PTPRD: variants seen among roughly 807,000 people sequenced by gnomAD.
PTPRD encodes receptor-type tyrosine-protein phosphatase delta.
PTPRD carries 34 observed loss-of-function variants against 214.5 expected under a neutral mutation model. The observed-to-expected ratio is 0.16, with a 90% CI of 0.12 to 0.21. PTPRD has a LOEUF of 0.21. Ranked by LOEUF, PTPRD falls within the 10% of genes least tolerant of loss-of-function variation. The pLI, the probability that PTPRD is intolerant of heterozygous loss-of-function variation, is 1.00. For missense variants in PTPRD, 2,545 were observed against 2,398.7 expected, an observed-to-expected ratio of 1.06 and a Z score of -1.27; for synonymous variants, 1,128 against 845.7, an observed-to-expected ratio of 1.33 and a Z score of -5.79.
intron 11 of PTPRD, among the ~76,000 whole-genome samples, chr9:8,776,094 C>A (rs1419601511): frequency 6.6e-6 from 1 of 152,088 alleles, no homozygotes; most frequent in Non-Finnish European, 1.5e-5. Flanking sequence ...CAAATGTTCC[C>A]AGAGACTATC....
chr9:9,682,220 AAAG>A (rs2097089294), intron 7 of PTPRD, among the ~76,000 whole-genome samples: 1 of 151,788 alleles, frequency 6.6e-6, no homozygotes, highest in African/African-American at 2.4e-5. Flanking sequence ...GCAACACTGC[AAAG>A]AAGACAGGGA....
intron 36 of PTPRD, among the ~76,000 whole-genome samples, chr9:8,392,123 G>C (rs1266093587): frequency 6.6e-6 from 1 of 151,998 alleles, no homozygotes; most frequent in Non-Finnish European, 1.5e-5. Context: ...AGTAATTCAT[G>C]CCTATAATCC....
intron 2 of PTPRD, among the ~76,000 whole-genome samples, chr9:10,422,122 A>G (rs755708412): frequency 2.0e-5 from 3 of 152,044 alleles, no homozygotes; most frequent in Non-Finnish European, 2.9e-5. Context: ...ATATAGACCA[A>G]TGGAACAGAA....
At chr9:9,776,333 A>G (rs891994904) in intron 5 of PTPRD, among the ~76,000 whole-genome samples, 1 of 152,080 alleles carries the variant, frequency 6.6e-6, no homozygotes, top group Non-Finnish European at 1.5e-5. Flanking sequence ...TCTTAGTTGT[A>G]TGTTCCTAAT....
intron 14 of PTPRD, among the ~76,000 whole-genome samples, chr9:8,562,976 C>T (rs2087063286): frequency 6.6e-6 from 1 of 151,758 alleles, no homozygotes; most frequent in Non-Finnish European, 1.5e-5. Flanking sequence ...CCACTTTTTC[C>T]AGCACCAATT....
intron 9 of PTPRD, among the ~76,000 whole-genome samples, chr9:9,261,473 A>G (rs955034534): frequency 2.0e-5 from 3 of 151,872 alleles, no homozygotes; most frequent in Admixed American, 1.3e-4. Flanking sequence ...GAGAGACAAT[A>G]AAAATGAACA....
chr9:10,276,053 G>A (rs2094670485), intron 3 of PTPRD, among the ~76,000 whole-genome samples: 1 of 152,152 alleles, frequency 6.6e-6, no homozygotes, highest in African/African-American at 2.4e-5. Context: ...CTGTACTAAT[G>A]TTTAGCACAG....
chr9:9,658,841 CT>C, intron 7 of PTPRD, among the ~76,000 whole-genome samples: 1 of 152,056 alleles, frequency 6.6e-6, no homozygotes, highest in Middle Eastern at 3.4e-3. Flanking sequence ...ATTCTTGGTG[CT>C]TGTTATTATT....
intron 9 of PTPRD, among the ~76,000 whole-genome samples, chr9:9,316,626 G>C (rs1467664075): frequency 2.0e-5 from 3 of 151,928 alleles, no homozygotes; most frequent in Admixed American, 6.6e-5. Context: ...GAGCAAAATA[G>C]CCCAATCAAC....
At chr9:9,503,276 A>G (rs1243644183) in intron 8 of PTPRD, among the ~76,000 whole-genome samples, 1 of 72,196 alleles carries the variant, frequency 1.4e-5, no homozygotes, top group Non-Finnish European at 2.4e-5. Context: ...TACCTATACC[A>G]AAAAAAGTTT....
chr9:8,460,690 C>T, intron 32 of PTPRD, 119 bp from the exon 33 acceptor site: 2 of 929,240 alleles, frequency 2.2e-6, no homozygotes, highest in Non-Finnish European at 1.6e-6. Context: ...GTGTGTGATG[C>T]AATATTAGCA....
chr9:8,866,856 T>C (rs1172860281), intron 11 of PTPRD, among the ~76,000 whole-genome samples: 2 of 152,186 alleles, frequency 1.3e-5, no homozygotes, highest in East Asian at 3.9e-4. Flanking sequence ...GAATCTCTCT[T>C]GTACTGAATA....
intron 3 of PTPRD, among the ~76,000 whole-genome samples, chr9:10,259,254 G>A (rs189029072): frequency 1.4e-3 from 212 of 152,224 alleles, no homozygotes; most frequent in African/African-American, 5.0e-3. Flanking sequence ...TCTATCTCCT[G>A]ACCTCGTGAT....
At chr9:10,208,840 G>C (rs1470629308) in intron 3 of PTPRD, among the ~76,000 whole-genome samples, 1 of 150,906 alleles carries the variant, frequency 6.6e-6, no homozygotes, top group South Asian at 2.1e-4. Context: ...TGGGCAGGTA[G>C]ATGACAAGGC....
intron 7 of PTPRD, among the ~76,000 whole-genome samples, chr9:9,614,320 T>G (rs1394086217): frequency 1.3e-5 from 2 of 152,154 alleles, no homozygotes; most frequent in South Asian, 2.1e-4. Flanking sequence ...ACTTCATATT[T>G]GCAAAGATTC....
chr9:8,976,471 A>T (rs2099268624), intron 11 of PTPRD, among the ~76,000 whole-genome samples: 1 of 152,078 alleles, frequency 6.6e-6, no homozygotes, highest in African/African-American at 2.4e-5. Flanking sequence ...CCATTTTAGC[A>T]ACTCTTCTAG....
chr9:10,010,466 G>C (rs1482326362), intron 4 of PTPRD, among the ~76,000 whole-genome samples: 3 of 151,672 alleles, frequency 2.0e-5, no homozygotes, highest in Admixed American at 6.6e-5. Context: ...AAATGAGGGA[G>C]GGGATTGGTG....
intron 35 of PTPRD, among the ~76,000 whole-genome samples, chr9:8,411,334 G>T (rs1175666183): frequency 6.6e-6 from 1 of 151,262 alleles, no homozygotes; most frequent in Admixed American, 6.6e-5. Context: ...TTGTGGCAGG[G>T]TCATGCCTGT....
intron 3 of PTPRD, among the ~76,000 whole-genome samples, chr9:10,161,030 A>G (rs370449262): frequency 6.6e-6 from 1 of 151,918 alleles, no homozygotes; most frequent in Non-Finnish European, 1.5e-5. Context: ...AAAATCCTGT[A>G]GGAGAAAACT....
Sources: allele counts gnomAD v4.1 joint callset (sites outside exome capture counted in the v4.1 genomes callset), GRCh38; gene constraint gnomAD v4.1.1; transcripts MANE v1.5; gene names NCBI Gene and HGNC (gene_info 2026-07-23, HGNC 2026-07-21).